Variants in RNLS observed in about 807,000 individuals in gnomAD.
RNLS encodes the protein renalase, FAD dependent amine oxidase, also known as renalase.
In RNLS, 39 loss-of-function variants were observed where a neutral mutation model predicts 39.8. The ratio of observed to expected loss-of-function variants is 0.98; its 90% CI spans 0.76 to 1.28. The LOEUF (loss-of-function observed/expected upper bound fraction) is 1.28, where lower values mean the gene tolerates loss of function less well. RNLS is among the 50% of genes most tolerant of loss of function. The pLI is 0.00. For synonymous variants in RNLS, 147 were observed against 150.7 expected, an observed-to-expected ratio of 0.98 and a Z score of 0.18; for missense variants, 410 against 413.3, an observed-to-expected ratio of 0.99 and a Z score of 0.07.
the RNLS span, among the ~76,000 whole-genome samples, chr10:88,267,400 AC>A: frequency 6.6e-6 from 1 of 151,998 alleles, no homozygotes; most frequent in Non-Finnish European, 1.5e-5. Context: ...ACATAGCGAG[AC>A]CCCCTCTTCA....
At chr10:88,296,754 A>T (rs966298346) in intron 6 of RNLS, among the ~76,000 whole-genome samples, 9 of 152,170 alleles carry the variant, frequency 5.9e-5, no homozygotes, top group Non-Finnish European at 7.4e-5. Flanking sequence ...GTTGTGTAAC[A>T]GCCACTAGAA....
At chr10:88,450,143 C>T (rs966266613) in intron 4 of RNLS, among the ~76,000 whole-genome samples, 5 of 151,698 alleles carry the variant, frequency 3.3e-5, no homozygotes, top group South Asian at 4.2e-4. Flanking sequence ...TGATACAGGA[C>T]GTAGAAAGGA....
intron 4 of RNLS, among the ~76,000 whole-genome samples, chr10:88,377,127 T>G (rs147460202): frequency 6.6e-6 from 1 of 152,234 alleles, no homozygotes; most frequent in Non-Finnish European, 1.5e-5. Context: ...TTCTTGCATA[T>G]AAGTCAGAAA....
intron 4 of RNLS, among the ~76,000 whole-genome samples, chr10:88,497,904 G>A (rs542338553): frequency 6.7e-6 from 1 of 150,004 alleles, no homozygotes; most frequent in East Asian, 2.0e-4. Flanking sequence ...TTTGAGTAAA[G>A]TAGATTTATA....
At chr10:88,376,413 TTTA>T (rs1473693754) in intron 4 of RNLS, among the ~76,000 whole-genome samples, 2 of 152,204 alleles carry the variant, frequency 1.3e-5, no homozygotes, top group Admixed American at 6.6e-5. Flanking sequence ...AAATAAAATA[TTTA>T]TTTATTGTAT....
chr10:88,575,817 T>A (rs1292061740), intron 3 of RNLS, among the ~76,000 whole-genome samples: 1 of 152,036 alleles, frequency 6.6e-6, no homozygotes, highest in Admixed American at 6.5e-5. Context: ...GAGTATAAAA[T>A]CTTTAACATT....
At chr10:88,470,359 A>T (rs1843447665) in intron 4 of RNLS, among the ~76,000 whole-genome samples, 1 of 152,168 alleles carries the variant, frequency 6.6e-6, no homozygotes. Flanking sequence ...CATGGAATCA[A>T]CCTAAATGCC....
chr10:88,457,148 A>T (rs908431106), intron 4 of RNLS, among the ~76,000 whole-genome samples: 1 of 152,260 alleles, frequency 6.6e-6, no homozygotes, highest in Middle Eastern at 3.4e-3. Context: ...ATGAATTTTC[A>T]TTTGGTGGTG....
chr10:88,256,471 G>A, the RNLS span, among the ~76,000 whole-genome samples: 2 of 152,208 alleles, frequency 1.3e-5, no homozygotes, highest in African/African-American at 4.8e-5. Flanking sequence ...TTCCAGTTAA[G>A]GTCGGCGGGA....
At chr10:88,362,442 G>A in intron 5 of RNLS, 110 bp downstream of exon 5, 1 of 953,442 alleles carries the variant, frequency 1.0e-6, no homozygotes, top group Admixed American at 2.7e-5. Flanking sequence ...CTGTGGCTTG[G>A]AGTTAAATGC....
At chr10:88,195,480 T>A in the RNLS span, among the ~76,000 whole-genome samples, 1 of 152,234 alleles carries the variant, frequency 6.6e-6, no homozygotes, top group South Asian at 2.1e-4. Flanking sequence ...CCATGGGAGA[T>A]CTGTAACTAC....
intron 5 of RNLS, 74 bp from the exon 6 acceptor site, chr10:88,314,715 A>G: frequency 7.4e-7 from 1 of 1,345,330 alleles, no homozygotes; most frequent in Non-Finnish European, 1.0e-6. Flanking sequence ...ATTTCAATTC[A>G]GACTTAAGAA....
At chr10:88,455,981 T>C (rs1842608504) in intron 4 of RNLS, among the ~76,000 whole-genome samples, 2 of 152,338 alleles carry the variant, frequency 1.3e-5, no homozygotes, top group South Asian at 2.1e-4. Flanking sequence ...TTTTAACTGA[T>C]GGGCTCAAGG....
intron 4 of RNLS, among the ~76,000 whole-genome samples, chr10:88,395,676 T>C (rs1180053497): frequency 6.6e-6 from 1 of 151,962 alleles, no homozygotes; most frequent in East Asian, 1.9e-4. Flanking sequence ...GGAAAGAATA[T>C]ATATATAAAT....
chr10:88,251,354 G>A, the RNLS span, among the ~76,000 whole-genome samples: 1 of 152,350 alleles, frequency 6.6e-6, no homozygotes, highest in Middle Eastern at 3.4e-3. Context: ...ATATGTGAGA[G>A]AATGAGCAGC....
At chr10:88,379,206 T>C (rs1188188846) in intron 4 of RNLS, among the ~76,000 whole-genome samples, 1 of 152,238 alleles carries the variant, frequency 6.6e-6, no homozygotes, top group Non-Finnish European at 1.5e-5. Flanking sequence ...TGACCATATA[T>C]GTTTTAATGT....
chr10:88,309,091 G>T (rs149661324), intron 6 of RNLS, among the ~76,000 whole-genome samples: 1 of 152,140 alleles, frequency 6.6e-6, no homozygotes, highest in Admixed American at 6.5e-5. Context: ...TGGACACATA[G>T]AGGGGAACAA....
At chr10:88,465,363 G>A (rs1325541845) in intron 4 of RNLS, among the ~76,000 whole-genome samples, 2 of 152,078 alleles carry the variant, frequency 1.3e-5, no homozygotes, top group East Asian at 1.9e-4. Context: ...TGCTAAGGTA[G>A]TGTCCTAGCA....
chr10:88,356,168 G>C (rs138632420), intron 5 of RNLS, among the ~76,000 whole-genome samples: 2 of 152,146 alleles, frequency 1.3e-5, no homozygotes, highest in African/African-American at 2.4e-5. Flanking sequence ...CGCTTCCCAC[G>C]TGAGGCGATG....
Sources: allele counts gnomAD v4.1 joint callset (sites outside exome capture counted in the v4.1 genomes callset), GRCh38; gene constraint gnomAD v4.1.1; transcripts MANE v1.5; gene names NCBI Gene and HGNC (gene_info 2026-07-23, HGNC 2026-07-21).